The following CSMD1 variants were observed in gnomAD, a reference collection of about 807,000 sequenced individuals.
CSMD1 encodes the protein CUB and sushi domain-containing protein 1.
Under a neutral mutation model 417.5 loss-of-function variants are expected in CSMD1, and 213 were observed. The observed-to-expected ratio is 0.51, with a 90% CI of 0.46 to 0.57. The LOEUF is 0.57. Ranked by LOEUF, CSMD1 falls within the 20% of genes least tolerant of loss-of-function variation. The pLI, the probability that CSMD1 is intolerant of heterozygous loss-of-function variation, is 0.00. For missense variants in CSMD1, 6,923 were observed against 4,529.7 expected (o/e 1.53, Z -15.17); for synonymous variants, 2,862 against 1,736.8 (o/e 1.65, Z -16.11).
intron 2 of CSMD1, among the ~76,000 whole-genome samples, chr8:4,425,657 C>T (rs1458412122): frequency 1.3e-5 from 2 of 150,026 alleles, no homozygotes; most frequent in African/African-American, 5.0e-5. Context: ...GTCTGCCTCA[C>T]TTTGAGGAAT....
intron 1 of CSMD1, among the ~76,000 whole-genome samples, chr8:4,887,754 T>C (rs1019068715): frequency 2.6e-5 from 4 of 152,016 alleles, no homozygotes; most frequent in Non-Finnish European, 5.9e-5. Context: ...TCCTGATGAG[T>C]TGACAATTTT....
At chr8:3,493,794 C>G in intron 10 of CSMD1, 68 bp from the exon 11 acceptor site, 1 of 1,297,692 alleles carries the variant, frequency 7.7e-7, no homozygotes, top group Non-Finnish European at 1.1e-6. Flanking sequence ...ATAGGTATTG[C>G]AAATATCTAG....
chr8:3,480,298 G>A (rs1190283557), intron 11 of CSMD1, among the ~76,000 whole-genome samples: 1 of 152,174 alleles, frequency 6.6e-6, no homozygotes, highest in East Asian at 1.9e-4. Flanking sequence ...GGAGGCGGAG[G>A]ATGCATTGAG....
At chr8:3,234,558 G>T (rs926628103) in intron 26 of CSMD1, among the ~76,000 whole-genome samples, 1 of 152,184 alleles carries the variant, frequency 6.6e-6, no homozygotes, top group Non-Finnish European at 1.5e-5. Context: ...ATGACAATAG[G>T]AGTTACCGGA....
intron 3 of CSMD1, among the ~76,000 whole-genome samples, chr8:4,228,329 T>A (rs1165731291): frequency 2.6e-5 from 4 of 152,174 alleles, no homozygotes; most frequent in Admixed American, 2.0e-4. Context: ...TTATTCTCTG[T>A]CTCTAATTCC....
chr8:3,471,894 T>A (rs1817126146), intron 11 of CSMD1, among the ~76,000 whole-genome samples: 1 of 152,170 alleles, frequency 6.6e-6, no homozygotes, highest in African/African-American at 2.4e-5. Flanking sequence ...CCCTACATGT[T>A]AATACACACA....
chr8:3,767,893 G>T (rs930008523), intron 5 of CSMD1, among the ~76,000 whole-genome samples: 1 of 152,042 alleles, frequency 6.6e-6, no homozygotes, highest in Non-Finnish European at 1.5e-5. Flanking sequence ...ATGGTAAAAA[G>T]TTAAAAAGTT....
chr8:4,736,707 G>GA (rs1205416282), intron 1 of CSMD1, among the ~76,000 whole-genome samples: 1 of 152,052 alleles, frequency 6.6e-6, no homozygotes, highest in Non-Finnish European at 1.5e-5. Flanking sequence ...AATAATTTAA[G>GA]AAAAAAAGTT....
intron 7 of CSMD1, among the ~76,000 whole-genome samples, chr8:3,698,598 C>G (rs548499071): frequency 1.3e-5 from 2 of 152,170 alleles, no homozygotes; most frequent in African/African-American, 2.4e-5. Flanking sequence ...ATAAATCACA[C>G]GTTCCTAATA....
intron 26 of CSMD1, among the ~76,000 whole-genome samples, chr8:3,282,124 G>A (rs1395990685): frequency 4.6e-5 from 7 of 152,158 alleles, no homozygotes; most frequent in Non-Finnish European, 8.8e-5. Context: ...CCCAGTCTCA[G>A]ATAGTTCTTT....
intron 3 of CSMD1, among the ~76,000 whole-genome samples, chr8:4,377,168 T>C (rs890560239): frequency 6.6e-6 from 1 of 152,188 alleles, no homozygotes; most frequent in Non-Finnish European, 1.5e-5. Flanking sequence ...AGTGGGATTA[T>C]AGTGCATGGA....
intron 1 of CSMD1, among the ~76,000 whole-genome samples, chr8:4,862,435 G>A (rs1489485136): frequency 6.6e-6 from 1 of 152,042 alleles, no homozygotes; most frequent in Non-Finnish European, 1.5e-5. Flanking sequence ...CTCTGTGTTG[G>A]GTAGAGGCAT....
chr8:3,059,838 A>G (rs1812474604), intron 49 of CSMD1, among the ~76,000 whole-genome samples: 2 of 152,082 alleles, frequency 1.3e-5, no homozygotes, highest in Admixed American at 6.5e-5. Flanking sequence ...GAGAGAAGTG[A>G]TTCAAGCAGT....
At chr8:3,468,036 C>A (rs993714136) in intron 12 of CSMD1, among the ~76,000 whole-genome samples, 2 of 152,060 alleles carry the variant, frequency 1.3e-5, no homozygotes, top group Non-Finnish European at 2.9e-5. Context: ...AATGAAGGAA[C>A]CAATAAGATA....
At chr8:3,767,476 A>C (rs576467194) in intron 5 of CSMD1, among the ~76,000 whole-genome samples, 1 of 152,276 alleles carries the variant, frequency 6.6e-6, no homozygotes, top group East Asian at 1.9e-4. Flanking sequence ...TGTTCTCTCA[A>C]GCATCTTTTT....
At chr8:3,722,064 C>T (rs572762204) in intron 6 of CSMD1, among the ~76,000 whole-genome samples, 14 of 152,158 alleles carry the variant, frequency 9.2e-5, no homozygotes, top group East Asian at 7.7e-4. Context: ...AGGAAGAGGC[C>T]GGGCAAAGTG....
At chr8:4,351,918 C>T (rs1022496779) in intron 3 of CSMD1, among the ~76,000 whole-genome samples, 5 of 150,332 alleles carry the variant, frequency 3.3e-5, no homozygotes, top group African/African-American at 1.2e-4. Flanking sequence ...TGTAGAAACA[C>T]TGACATTCAA....
chr8:4,033,407 A>G (rs534736935), intron 3 of CSMD1, among the ~76,000 whole-genome samples: 15 of 152,274 alleles, frequency 9.9e-5, no homozygotes, highest in African/African-American at 3.6e-4. Context: ...GCACCACTGC[A>G]CTCCAGCGTG....
intron 4 of CSMD1, among the ~76,000 whole-genome samples, chr8:4,029,643 T>A (rs1385864917): frequency 6.6e-6 from 1 of 152,024 alleles, no homozygotes; most frequent in Non-Finnish European, 1.5e-5. Flanking sequence ...CCAAACCATA[T>A]CATTTCGCTC....
Sources: allele counts gnomAD v4.1 joint callset (sites outside exome capture counted in the v4.1 genomes callset), GRCh38; gene constraint gnomAD v4.1.1; transcripts MANE v1.5; gene names NCBI Gene and HGNC (gene_info 2026-07-23, HGNC 2026-07-21).